Variants in CCDC50 observed in about 807,000 individuals in gnomAD.
The protein encoded by CCDC50 is coiled-coil domain containing 50.
Under a neutral mutation model 70.2 loss-of-function variants are expected in CCDC50, and 54 were observed. The observed-to-expected ratio is 0.77, with a 90% CI of 0.62 to 0.96. CCDC50 has a LOEUF of 0.96. Among genes scored for constraint, CCDC50 ranks in the 50% least tolerant of loss-of-function variants. CCDC50 has a pLI of 0.00. For synonymous variants in CCDC50, 216 were observed against 198.8 expected, an observed-to-expected ratio of 1.09 and a Z score of -0.73; for missense variants, 558 against 578.7, an observed-to-expected ratio of 0.96 and a Z score of 0.37.
chr3:191,335,407 A>G (rs293864), intron 1 of CCDC50, among the ~76,000 whole-genome samples: 14,053 of 152,196 alleles, frequency 0.092, 793 homozygotes, highest in Non-Finnish European at 0.13. Context: ...AAAATGTAAA[A>G]TTAGAATAAC....
At chr3:191,386,397 G>T (rs777076832) in intron 10 of CCDC50, among the ~76,000 whole-genome samples, 2 of 151,828 alleles carry the variant, frequency 1.3e-5, no homozygotes, top group Non-Finnish European at 2.9e-5. Flanking sequence ...GCTAATTTTT[G>T]TATACTTAGT....
rs771362652 is a variant in CCDC50, at chr3:191,357,094, G to A, written c.56G>A (p.Arg19Gln). The change falls in exon 2 of 12, where the codon CGA becomes CAA. Residue 19 changes from arginine (R) to glutamine (Q), a missense_variant. Arg to Gln is a conservative substitution (Grantham distance 43). Coordinates refer to ENST00000392455, the MANE Select transcript of CCDC50 (RefSeq NM_178335.3). ...TTTCCTCCATCTACTCTAGTATGCCGAGATTTTGCTGTCCTGGAGGACCAC... is the reference window on the plus strand; with the variant it reads ...TTTCCTCCATCTACTCTAGTATGCCAAGATTTTGCTGTCCTGGAGGACCAC... ...SKLPGVKEVC[R>Q]DFAVLEDHTL... 5 of 1,610,950 alleles carry A rather than the reference G, an allele frequency of 3.1e-6. No homozygotes were observed. In the South Asian group the frequency reaches 4.4e-5, roughly 14 times the overall value.
At chr3:191,380,806 A>G in intron 8 of CCDC50, 22 bp from the exon 9 acceptor site, 1 of 1,607,700 alleles carries the variant, frequency 6.2e-7, no homozygotes, top group Non-Finnish European at 8.5e-7. Flanking sequence ...GCAGTTAATG[A>G]TATTGACTGT....
intron 6 of CCDC50, among the ~76,000 whole-genome samples, chr3:191,377,389 A>G (rs189892259): frequency 4.6e-5 from 7 of 152,344 alleles, no homozygotes; most frequent in Admixed American, 4.6e-4. Context: ...TTTGCAGAGC[A>G]GCATTAATAG....
intron 11 of CCDC50, among the ~76,000 whole-genome samples, chr3:191,390,658 T>C (rs1713661904): frequency 6.6e-6 from 1 of 152,146 alleles, no homozygotes; most frequent in African/African-American, 2.4e-5. Context: ...TGCATTATAG[T>C]TAGCATATAA....
chr3:191,380,194 A>G lies in CCDC50; in HGVS notation c.1012A>G (p.Thr338Ala), dbSNP rs1303025881. ...AAGAGTGATGAAAGAAGCTGTATCT[A>G]CTCCATCACGAATGGCCCACAGGGA... The part of the protein sequence containing the change: ...KPRVMKEAVS[T>A]PSRMAHRDQE... Residue 338 changes from threonine (T) to alanine (A), a missense_variant, in exon 7 of 12, where the codon ACT becomes GCT. By Grantham distance (58) the Thr-to-Ala change is moderately conservative. Coordinates refer to ENST00000392455, the MANE Select transcript of CCDC50 (RefSeq NM_178335.3). 15 of 1,609,170 alleles carry G rather than the reference A, an allele frequency of 9.3e-6. No individual in the cohort carries two copies. The highest frequency in any genetic ancestry group is 1.3e-5 in the Non-Finnish European group (15 of 1,177,154).
chr3:191,337,800 G>A (rs1400029300), intron 1 of CCDC50, among the ~76,000 whole-genome samples: 1 of 151,978 alleles, frequency 6.6e-6, no homozygotes, highest in Admixed American at 6.6e-5. Context: ...GTATCCAACA[G>A]ATTTAACCAC....
At chr3:191,340,719 T>C (rs1176643219) in intron 1 of CCDC50, among the ~76,000 whole-genome samples, 3 of 152,220 alleles carry the variant, frequency 2.0e-5, no homozygotes, top group Non-Finnish European at 2.9e-5. Context: ...AGGCCTACAA[T>C]GTGTATAGGA....
intron 4 of CCDC50, among the ~76,000 whole-genome samples, chr3:191,361,667 C>T (rs1217620659): frequency 6.6e-6 from 1 of 152,230 alleles, no homozygotes; most frequent in Non-Finnish European, 1.5e-5. Context: ...GCAAGGACAT[C>T]AGTCATTGAA....
At chr3:191,351,923 C>A (rs1480694967) in intron 1 of CCDC50, among the ~76,000 whole-genome samples, 1 of 137,932 alleles carries the variant, frequency 7.2e-6, no homozygotes, top group African/African-American at 2.6e-5. Flanking sequence ...ATAATTGACC[C>A]CTTTGCCAAG....
At chr3:191,363,682 C>T (rs1461928290) in intron 4 of CCDC50, among the ~76,000 whole-genome samples, 1 of 152,192 alleles carries the variant, frequency 6.6e-6, no homozygotes, top group Non-Finnish European at 1.5e-5. Flanking sequence ...ACACACGTGT[C>T]ATTACAGGTC....
At chr3:191,388,541 C>T (rs1357998742) in intron 10 of CCDC50, among the ~76,000 whole-genome samples, 1 of 152,024 alleles carries the variant, frequency 6.6e-6, no homozygotes, top group African/African-American at 2.4e-5. Context: ...AGTTTATATC[C>T]CATGCTGACC....
chr3:191,377,021 G>A (rs1713140585), intron 6 of CCDC50, among the ~76,000 whole-genome samples: 1 of 152,124 alleles, frequency 6.6e-6, no homozygotes. Context: ...GACACTAAAC[G>A]CTGACTCACA....
At chr3:191,367,268 T>G (rs1712727151) in intron 4 of CCDC50, among the ~76,000 whole-genome samples, 1 of 152,108 alleles carries the variant, frequency 6.6e-6, no homozygotes, top group African/African-American at 2.4e-5. Flanking sequence ...CTCCTGGTTC[T>G]TTACACTGAG....
At chr3:191,384,734 G>A (rs1713433049) in intron 10 of CCDC50, among the ~76,000 whole-genome samples, 1 of 151,918 alleles carries the variant, frequency 6.6e-6, no homozygotes, top group Admixed American at 6.6e-5. Context: ...GGTATATTGT[G>A]TGGTACTGAG....
At chr3:191,341,228 T>G (rs1475792526) in intron 1 of CCDC50, among the ~76,000 whole-genome samples, 1 of 152,218 alleles carries the variant, frequency 6.6e-6, no homozygotes, top group African/African-American at 2.4e-5. Context: ...AGAAAATAAC[T>G]AATTATAAGA....
At chr3:191,358,230 C>G in intron 3 of CCDC50, 106 bp downstream of exon 3, 1 of 1,371,522 alleles carries the variant, frequency 7.3e-7, no homozygotes, top group Middle Eastern at 2.3e-4. Flanking sequence ...CTGATTCCTT[C>G]TACTGTTAGA....
rs750901650 is a variant in CCDC50 at position 191,382,714 on chromosome 3, TTTTG to T, written c.1243-18_1243-15del. The T allele has an allele frequency of 3.7e-4, 526 of 1,415,668 alleles. 1 individual carries two copies. The highest frequency in any genetic ancestry group is 4.9e-4 in the Non-Finnish European group (489 of 1,001,960). The allele number at this position is 1,415,668 out of a possible 1,614,324, so 87.7% of individuals were successfully genotyped here. ...ATTCTGGATTGTATGTGTGTGTTAT[TTTTG>T]TTTGTTTGTTTGTATTTTTGTCCAT... On this transcript the variant is annotated intron_variant, in intron 9 of 11. Coordinates refer to ENST00000392455, the MANE Select transcript of CCDC50 (RefSeq NM_178335.3).
chr3:191,334,372 CTG>C (rs1484639466), intron 1 of CCDC50, among the ~76,000 whole-genome samples: 3 of 152,148 alleles, frequency 2.0e-5, no homozygotes, highest in Admixed American at 6.5e-5. Context: ...ATGGATGTAA[CTG>C]TTAATTTGTA....
Sources: allele counts gnomAD v4.1 joint callset (sites outside exome capture counted in the v4.1 genomes callset), GRCh38; gene constraint gnomAD v4.1.1; transcripts MANE v1.5; gene names NCBI Gene and HGNC (gene_info 2026-07-23, HGNC 2026-07-21).